PTPRD: variants seen among roughly 807,000 people sequenced by gnomAD.
PTPRD encodes receptor-type tyrosine-protein phosphatase delta.
PTPRD carries 34 observed loss-of-function variants against 214.5 expected under a neutral mutation model. The ratio of observed to expected loss-of-function variants is 0.16; its 90% confidence interval spans 0.12 to 0.21. PTPRD has a LOEUF of 0.21. Ranked by LOEUF, PTPRD falls within the 10% of genes least tolerant of loss-of-function variation. The probability of loss-of-function intolerance (pLI) is 1.00; values close to 1 mark genes in which losing one functional copy is unlikely to be tolerated. For synonymous variants in PTPRD, 1,128 were observed against 845.7 expected (o/e 1.33, Z -5.79); for missense variants, 2,545 against 2,398.7 (o/e 1.06, Z -1.27).
chr9:10,185,295 T>C (rs2099324849), intron 3 of PTPRD, among the ~76,000 whole-genome samples: 2 of 152,048 alleles, frequency 1.3e-5, no homozygotes, highest in South Asian at 4.1e-4. Flanking sequence ...GAGAAGAAAA[T>C]AAAAGCCACT....
chr9:9,559,877 T>A (rs1431818559), intron 8 of PTPRD, among the ~76,000 whole-genome samples: 1 of 152,150 alleles, frequency 6.6e-6, no homozygotes, highest in Non-Finnish European at 1.5e-5. Context: ...AAGCTGCCAA[T>A]GCCAAGGTGC....
intron 4 of PTPRD, among the ~76,000 whole-genome samples, chr9:10,027,275 C>T (rs576975689): frequency 2.1e-4 from 32 of 152,236 alleles, no homozygotes; most frequent in African/African-American, 7.2e-4. Context: ...TAAATGGGAA[C>T]TTTTCATCAT....
rs534978676 is a variant in PTPRD, at chr9:9,852,125, A to G, written c.-367-85274T>C. On this transcript the variant is annotated intron_variant, in intron 5 of 45. Transcript: ENST00000381196. ...GATGCATTAAAATGTTCTCGGAAAG[A>G]GATAAGAAAAATTATATGGCCAACT... 2.6e-5 allele frequency among the ~76,000 whole-genome samples: 4 copies of G among 152,292 alleles called. No individual in the cohort carries two copies. The South Asian group carries it at 6.2e-4, about 24-fold the overall frequency.
intron 11 of PTPRD, among the ~76,000 whole-genome samples, chr9:8,878,079 C>T (rs2098409871): frequency 6.6e-6 from 1 of 152,038 alleles, no homozygotes; most frequent in Non-Finnish European, 1.5e-5. Context: ...GCTTTACAGC[C>T]CTTAGAAGTG....
chr9:9,522,286 T>A (rs1254575150), intron 8 of PTPRD, among the ~76,000 whole-genome samples: 5 of 152,136 alleles, frequency 3.3e-5, no homozygotes, highest in African/African-American at 9.7e-5. Flanking sequence ...GTTTGACTAG[T>A]ATACAAATTA....
intron 10 of PTPRD, among the ~76,000 whole-genome samples, chr9:9,084,656 G>T (rs1008325234): frequency 1.3e-5 from 2 of 152,058 alleles, no homozygotes; most frequent in African/African-American, 4.8e-5. Flanking sequence ...TTAAGCAGAG[G>T]TAATGTACTG....
At chr9:10,407,283 G>C (rs552786200) in intron 2 of PTPRD, among the ~76,000 whole-genome samples, 190 of 151,576 alleles carry the variant, frequency 1.3e-3, no homozygotes, top group African/African-American at 4.3e-3. Flanking sequence ...AATGAATATG[G>C]TGTGATAATT....
intron 10 of PTPRD, among the ~76,000 whole-genome samples, chr9:9,172,249 G>A (rs1353954282): frequency 6.6e-6 from 1 of 152,050 alleles, no homozygotes; most frequent in Non-Finnish European, 1.5e-5. Context: ...TGTCAAAAAA[G>A]GGAATGTATA....
At position 9,670,800 on chromosome 9, in the gene PTPRD, A is replaced by T. The variant is rs535607641; in HGVS notation, c.-287+63733T>A. Among the ~76,000 whole-genome samples the T allele has an allele frequency of 3.2e-3, 482 of 152,314 alleles. 1 individual carries two copies. Among genetic ancestry groups the T allele is most frequent in the Non-Finnish European group, 4.3e-3 (292 of 68,032 alleles). On this transcript the variant is annotated intron_variant, in intron 7 of 45. Transcript: ENST00000381196. ...AAGTCAAGAACTGGGGTTTGGGAACATCCACCTAGATTTCAGAAGATATAT... is the reference window on the plus strand; with the variant it reads ...AAGTCAAGAACTGGGGTTTGGGAACTTCCACCTAGATTTCAGAAGATATAT...
At chr9:8,637,287 T>A (rs578089648) in intron 12 of PTPRD, among the ~76,000 whole-genome samples, 4 of 152,304 alleles carry the variant, frequency 2.6e-5, no homozygotes, top group Non-Finnish European at 1.5e-5. Flanking sequence ...TTAGTGACAT[T>A]TAAGAGAAAT....
At chr9:9,485,453 T>C (rs2095588467) in intron 8 of PTPRD, among the ~76,000 whole-genome samples, 1 of 152,230 alleles carries the variant, frequency 6.6e-6, no homozygotes, top group African/African-American at 2.4e-5. Flanking sequence ...TTGATCACTT[T>C]GCTTAGTGCA....
intron 2 of PTPRD, among the ~76,000 whole-genome samples, chr9:10,409,405 T>C (rs1376637911): frequency 6.6e-6 from 1 of 151,898 alleles, no homozygotes; most frequent in East Asian, 2.0e-4. Flanking sequence ...ATGGTCATAC[T>C]AATCACCCTA....
intron 2 of PTPRD, among the ~76,000 whole-genome samples, chr9:10,514,818 T>C (rs1215882886): frequency 6.6e-6 from 1 of 152,040 alleles, no homozygotes; most frequent in Non-Finnish European, 1.5e-5. Context: ...CATGGTTCTT[T>C]AAAAAGTATG....
intron 3 of PTPRD, among the ~76,000 whole-genome samples, chr9:10,255,559 C>T (rs183450040): frequency 6.2e-4 from 95 of 152,186 alleles, no homozygotes; most frequent in African/African-American, 2.2e-3. Context: ...AGGCCTAGGA[C>T]ATTACACTAC....
chr9:9,412,110 T>C (rs2075639612), intron 8 of PTPRD, among the ~76,000 whole-genome samples: 1 of 152,218 alleles, frequency 6.6e-6, no homozygotes, highest in Non-Finnish European at 1.5e-5. Flanking sequence ...TAAAACTCAA[T>C]TTTATCCCAA....
Position 9,501,484 on chromosome 9 carries a change from A to G in PTPRD, c.-237+73248T>C, listed in dbSNP as rs1026230417. Among the ~76,000 whole-genome samples, 21 of 152,068 alleles carry G rather than the reference A, an allele frequency of 1.4e-4. No individual in the cohort carries two copies. In the East Asian group the frequency reaches 1.9e-3, roughly 14 times the overall value. ...TTTAAATATCTATAAAAATGGCCAG[A>G]AAAGTGTGAAATAGACAACTAGCCC... On this transcript the variant is annotated intron_variant, in intron 8 of 45. Transcript: ENST00000381196.
intron 3 of PTPRD, among the ~76,000 whole-genome samples, chr9:10,231,098 CA>C (rs1369183589): frequency 6.6e-6 from 1 of 151,872 alleles, no homozygotes; most frequent in African/African-American, 2.4e-5. Context: ...CTTCAAAAGC[CA>C]AATCTGGTAA....
At chr9:9,182,765 A>G (rs576257657) in intron 10 of PTPRD, among the ~76,000 whole-genome samples, 192 of 152,192 alleles carry the variant, frequency 1.3e-3, no homozygotes, top group African/African-American at 4.4e-3. Flanking sequence ...AACTGAATGC[A>G]TTAAATCATA....
chr9:9,573,428 AC>A (rs1563781407), intron 8 of PTPRD, among the ~76,000 whole-genome samples: 3 of 151,090 alleles, frequency 2.0e-5, no homozygotes, highest in Non-Finnish European at 3.0e-5. Context: ...AAAAAAAAAA[AC>A]TTATGTCAGT....
Sources: allele counts gnomAD v4.1 joint callset (sites outside exome capture counted in the v4.1 genomes callset), GRCh38; gene constraint gnomAD v4.1.1; transcripts MANE v1.5; gene names NCBI Gene and HGNC (gene_info 2026-07-23, HGNC 2026-07-21).